The following USP44 variants were observed in gnomAD, a reference collection of about 807,000 sequenced individuals.
USP44 encodes the protein ubiquitin specific peptidase 44, also known as ubiquitin carboxyl-terminal hydrolase 44.
Under a neutral mutation model 69.0 loss-of-function variants are expected in USP44, and 61 were observed. That is an observed-to-expected ratio of 0.88 (90% CI 0.72 to 1.09). The LOEUF (loss-of-function observed/expected upper bound fraction) is 1.09, where lower values mean the gene tolerates loss of function less well. Ranked by LOEUF, USP44 falls within the 50% of genes least tolerant of loss-of-function variation. The pLI is 0.00. For missense variants in USP44, 753 were observed against 849.9 expected, an observed-to-expected ratio of 0.89 and a Z score of 1.42; for synonymous variants, 297 against 295.4, an observed-to-expected ratio of 1.01 and a Z score of -0.06.
At position 95,533,897 on chromosome 12, in the gene USP44, T is replaced by C; in HGVS notation, c.360A>G (p.Leu120=). 6.2e-7 allele frequency: 1 copy of C among 1,614,192 alleles called. No homozygotes were observed. ...AATCATCACCTGTACCCATGGACCG[T>C]AAAAACCTCCCACTACGAGTTGTGC... The part of the protein sequence containing the change: ...YHCTTRSGRF[L]RSMGTGDDSY... The change falls in exon 2 of 6, where the codon TTA becomes TTG. Residue 120 remains leucine, a synonymous_variant. Coordinates refer to ENST00000258499, the MANE Select transcript of USP44 (RefSeq NM_032147.5).
chr12:95,535,239 G>A (rs1452361437), intron 1 of USP44: 1 of 152,182 alleles, frequency 6.6e-6, no homozygotes. Flanking sequence ...GAAGAACTGA[G>A]AGATAATATT....
At position 95,533,137 on chromosome 12, in the gene USP44, G is replaced by T; in HGVS notation, c.1120C>A (p.Pro374Thr). ...RKMELIQPKE[P>T]TSQYISLCHE... Reference sequence around the variant, plus strand: ...CAAAGAGAAATGTACTGTGAAGTTGGCTCCTTTGGCTGAATAAGTTCCATC... The same window carrying T: ...CAAAGAGAAATGTACTGTGAAGTTGTCTCCTTTGGCTGAATAAGTTCCATC... The change falls in exon 2 of 6, where the codon CCA (proline) becomes ACA (threonine). Residue 374 changes from proline (P) to threonine (T), a missense_variant. Transcript: ENST00000258499. 1.2e-6 allele frequency: 2 copies of T among 1,614,186 alleles called. No homozygotes were observed. Among genetic ancestry groups the T allele is most frequent in the Non-Finnish European group, 1.7e-6 (2 of 1,180,046 alleles).
chr12:95,527,815 C>T (rs905575506), intron 3 of USP44, among the ~76,000 whole-genome samples: 1 of 146,084 alleles, frequency 6.8e-6, no homozygotes, highest in South Asian at 2.2e-4. Flanking sequence ...GTTTTATACA[C>T]TGTTTCCTTG....
chr12:95,535,668 G>T (rs913099906), intron 1 of USP44, among the ~76,000 whole-genome samples: 1 of 152,144 alleles, frequency 6.6e-6, no homozygotes, highest in African/African-American at 2.4e-5. Context: ...CACTTCTGCT[G>T]TAAGTTATTT....
rs1565807252 is a variant in USP44 at position 95,524,666 on chromosome 12, G to A, written c.1733+14C>T. 6.3e-7 allele frequency: 1 copy of A among 1,577,402 alleles called. No individual in the cohort carries two copies. The highest frequency in any genetic ancestry group is 1.4e-5 in the African/African-American group (1 of 73,228). On this transcript the variant is annotated intron_variant, in intron 4 of 5. Coordinates refer to ENST00000258499, the MANE Select transcript of USP44 (RefSeq NM_032147.5). ...ACAAGGAATGATAACTTTGCAACTG[G>A]TCCTACTACAGACCTGAATCGTTTG... is the stretch of plus-strand genomic sequence containing the variant.
intron 1 of USP44, among the ~76,000 whole-genome samples, chr12:95,542,162 T>C (rs1440894651): frequency 6.6e-6 from 1 of 152,188 alleles, no homozygotes; most frequent in Non-Finnish European, 1.5e-5. Context: ...ATTATAGGCA[T>C]GAGACACTAT....
chr12:95,538,414 T>C (rs2077275084), intron 1 of USP44, among the ~76,000 whole-genome samples: 1 of 152,060 alleles, frequency 6.6e-6, no homozygotes, highest in African/African-American at 2.4e-5. Flanking sequence ...TTCTAGTTGA[T>C]CACTTTTAGC....
At chr12:95,550,105 G>A (rs898104095) in intron 1 of USP44, among the ~76,000 whole-genome samples, 5 of 150,820 alleles carry the variant, frequency 3.3e-5, no homozygotes, top group African/African-American at 1.2e-4. Flanking sequence ...CTTGAACCCA[G>A]GAGGCGGAGG....
chr12:95,534,099 A>G lies in USP44; in HGVS notation c.158T>C (p.Ile53Thr), dbSNP rs772897634. The G allele has an allele frequency of 2.1e-5, 34 of 1,614,082 alleles. No individual in the cohort carries two copies. The highest frequency in any genetic ancestry group is 2.7e-5 in the Non-Finnish European group (32 of 1,180,050). ...SCSHVACGRY[I>T]EEHALKHFQE... ...AAAGTGCTTGAGTGCATGCTCTTCA[A>G]TATATCTTCCACAGGCAACATGGGA... The change falls in exon 2 of 6, where the codon ATT becomes ACT. Residue 53 changes from isoleucine to threonine, a missense_variant. Physicochemically the swap from Ile to Thr is moderately conservative, Grantham distance 89 (BLOSUM62 -1). Coordinates refer to ENST00000258499, the MANE Select transcript of USP44 (RefSeq NM_032147.5).
intron 4 of USP44, 47 bp downstream of exon 4, chr12:95,524,633 T>C: frequency 1.4e-6 from 2 of 1,418,476 alleles, no homozygotes; most frequent in Non-Finnish European, 9.6e-7. Flanking sequence ...TTTTGAAGCA[T>C]TATAAGCACA....
rs918147024 is a variant in USP44 at position 95,524,230 on chromosome 12, G to C, written c.1733+450C>G. Among the ~76,000 whole-genome samples, 3 of 151,954 alleles carry C rather than the reference G, an allele frequency of 2.0e-5. No homozygotes were observed. The East Asian group carries it at 5.9e-4, about 30-fold the overall frequency. Reference sequence around the variant, plus strand: ...TGAGCAGCTAGGATTACAGGCATGCGCCACCATGCCCGGCTACAGTTTTGT... The same window carrying C: ...TGAGCAGCTAGGATTACAGGCATGCCCCACCATGCCCGGCTACAGTTTTGT... On this transcript the variant is annotated intron_variant, in intron 4 of 5. Coordinates refer to ENST00000258499, the MANE Select transcript of USP44 (RefSeq NM_032147.5).
chr12:95,519,430 G>A, intron 5 of USP44, among the ~76,000 whole-genome samples: 1 of 112,476 alleles, frequency 8.9e-6, no homozygotes, highest in East Asian at 3.3e-4. Flanking sequence ...TACTCAATCT[G>A]TATTTTTTTT....
At chr12:95,536,817 C>G (rs2140317299) in intron 1 of USP44, among the ~76,000 whole-genome samples, 1 of 152,276 alleles carries the variant, frequency 6.6e-6, no homozygotes, top group South Asian at 2.1e-4. Context: ...TGCTGTGACC[C>G]TCCTCTATTA....
chr12:95,538,227 C>T lies in USP44; in HGVS notation c.-70-3901G>A, dbSNP rs187593090. Among the ~76,000 whole-genome samples, 4 of 152,278 alleles carry T rather than the reference C, an allele frequency of 2.6e-5. No homozygotes were observed. The East Asian group carries it at 5.8e-4, about 22-fold the overall frequency. On this transcript the variant is annotated intron_variant, in intron 1 of 5. Coordinates refer to ENST00000258499, the MANE Select transcript of USP44 (RefSeq NM_032147.5). Reference sequence around the variant, plus strand: ...GGATTTACTATGTGACCATAAATTACGTGCTACATACCTCAGTTTTCTTAT... The same window carrying T: ...GGATTTACTATGTGACCATAAATTATGTGCTACATACCTCAGTTTTCTTAT...
Position 95,534,202 on chromosome 12 carries a change from G to A in USP44, c.55C>T (p.His19Tyr), listed in dbSNP as rs774208775. Residue 19 changes from histidine (H) to tyrosine (Y), a missense_variant, in exon 2 of 6, where the codon CAT becomes TAT. Physicochemically the swap from His to Tyr is moderately conservative, Grantham distance 83. Transcript: ENST00000258499. Reference sequence around the variant, plus strand: ...CATTTCTGAGGGTTGAGGCTGGAATGGTCTTGAGCAAGCTGCAGCTGCCCA... The same window carrying A: ...CATTTCTGAGGGTTGAGGCTGGAATAGTCTTGAGCAAGCTGCAGCTGCCCA... ...HVGQLQLAQD[H>Y]SSLNPQKWHC... 6.2e-6 allele frequency: 10 copies of A among 1,614,058 alleles called. No individual in the cohort carries two copies. In the East Asian group the frequency reaches 1.8e-4, roughly 29 times the overall value.
At chr12:95,527,133 T>G (rs948949321) in intron 3 of USP44, among the ~76,000 whole-genome samples, 4 of 151,696 alleles carry the variant, frequency 2.6e-5, no homozygotes, top group Non-Finnish European at 4.4e-5. Context: ...CTCGCACTGT[T>G]GCCTAGGCTG....
chr12:95,539,372 C>T (rs1034678808), intron 1 of USP44, among the ~76,000 whole-genome samples: 14 of 152,010 alleles, frequency 9.2e-5, no homozygotes, highest in Admixed American at 1.3e-4. Flanking sequence ...ACTACAGGCG[C>T]CTGCCACCAC....
At chr12:95,520,972 A>C in intron 5 of USP44, 25 bp downstream of exon 5, 1 of 1,610,884 alleles carries the variant, frequency 6.2e-7, no homozygotes, top group Non-Finnish European at 8.5e-7. Flanking sequence ...CCAACCCAAG[A>C]TAAAATACTT....
chr12:95,541,771 C>T (rs576379290), intron 1 of USP44, among the ~76,000 whole-genome samples: 41 of 152,054 alleles, frequency 2.7e-4, no homozygotes, highest in Non-Finnish European at 4.9e-4. Flanking sequence ...GTCATGTGCA[C>T]GCCAGCCAAA....
Sources: allele counts gnomAD v4.1 joint callset (sites outside exome capture counted in the v4.1 genomes callset), GRCh38; gene constraint gnomAD v4.1.1; transcripts MANE v1.5; gene names NCBI Gene and HGNC (gene_info 2026-07-23, HGNC 2026-07-21).